PCDHGA12: variants seen among roughly 807,000 people sequenced by gnomAD.
The protein encoded by PCDHGA12 is protocadherin gamma-A12.
In PCDHGA12, 43 loss-of-function variants were observed where a neutral mutation model predicts 61.1. The ratio of observed to expected loss-of-function variants is 0.70; its 90% CI spans 0.55 to 0.91. The LOEUF (loss-of-function observed/expected upper bound fraction) is 0.91, where lower values mean the gene tolerates loss of function less well. Ranked by LOEUF, PCDHGA12 falls within the 40% of genes least tolerant of loss-of-function variation. PCDHGA12 has a pLI of 0.00. For synonymous variants in PCDHGA12, 520 were observed against 542.9 expected (o/e 0.96, Z 0.59); for missense variants, 1,236 against 1,227.7 (o/e 1.01, Z -0.10).
In PCDHGA12 at chr5:141,477,041, C is replaced by A; in HGVS notation, c.2425-17766C>A. 3 of 1,614,242 alleles carry A rather than the reference C, an allele frequency of 1.9e-6. No individual in the cohort carries two copies. Among genetic ancestry groups the A allele is most frequent in the Admixed American group, 1.7e-5 (1 of 60,036 alleles). Reference sequence around the variant, plus strand: ...AACCGGGATGCTGACAATCAAGGGTCGGCTGGACTTCGAGGACACCAAACT... The same window carrying A: ...AACCGGGATGCTGACAATCAAGGGTAGGCTGGACTTCGAGGACACCAAACT... On this transcript the variant is annotated intron_variant, in intron 1 of 3. Transcript: ENST00000252085. The surrounding 1 kb of genome is among the most constrained non-coding windows in gnomAD (Gnocchi z 4.9).
At position 141,493,262 on chromosome 5, in the gene PCDHGA12, A is replaced by G. The variant is rs148431133; in HGVS notation, c.2425-1545A>G. ...GGTACTAACATGCCTCTCTTATAAC[A>G]GCTTCACAGAGGTCAAGTGACTTGC... is the stretch of plus-strand genomic sequence containing the variant. On this transcript the variant is annotated intron_variant, in intron 1 of 3. Transcript: ENST00000252085. This position sits in a 1 kb window ranked among gnomAD's most constrained non-coding sequence, Gnocchi z 4.3. 5.1e-4 allele frequency among the ~76,000 whole-genome samples: 78 copies of G among 152,302 alleles called. No homozygotes were observed. Among genetic ancestry groups the G allele is most frequent in the African/African-American group, 1.7e-3 (72 of 41,574 alleles).
At position 141,431,896 on chromosome 5, in the gene PCDHGA12, C is replaced by A. The variant is rs1292629023; in HGVS notation, c.1137C>A (p.Asn379Lys). The A allele has an allele frequency of 6.2e-7, 1 of 1,613,940 alleles. No homozygotes were observed. The highest frequency in any genetic ancestry group is 1.3e-5 in the African/African-American group (1 of 74,924). Residue 379 changes from asparagine (N) to lysine (K), a missense_variant, in exon 1 of 4, where the codon AAC becomes AAA. Coordinates refer to ENST00000252085, the MANE Select transcript of PCDHGA12 (RefSeq NM_003735.3). This position sits in a 1 kb window ranked among gnomAD's most constrained non-coding sequence, Gnocchi z 4.8. Reference sequence around the variant, plus strand: ...TAAATGACCAAGATTCTGAGGAAAACGGACAGGTGATCTGTTTCATCCAAG... The same window carrying A: ...TAAATGACCAAGATTCTGAGGAAAAAGGACAGGTGATCTGTTTCATCCAAG... The part of the protein sequence containing the change: ...LNVNDQDSEE[N>K]GQVICFIQGN...
intron 1 of PCDHGA12, among the ~76,000 whole-genome samples, chr5:141,446,175 G>A (rs1288608276): frequency 1.3e-5 from 2 of 152,276 alleles, no homozygotes; most frequent in Non-Finnish European, 2.9e-5. Context: ...AGGGCAGGGG[G>A]TGTTTTGTTT....
chr5:141,511,002 C>T lies in PCDHGA12; in HGVS notation c.2628C>T (p.Ser876=), dbSNP rs143630962. 77 of 1,614,140 alleles carry T rather than the reference C, an allele frequency of 4.8e-5. No individual in the cohort carries two copies. Among genetic ancestry groups the T allele is most frequent in the South Asian group, 2.1e-4 (19 of 91,080 alleles). ...GGGGTGCCGGCACCATGGGATTGAG[C>T]GCCCGCTACGGACCCCAGTTCACCC... The part of the protein sequence containing the change: ...LGGGAGTMGL[S]ARYGPQFTLQ... Residue 876 remains serine (S), a synonymous_variant, in exon 4 of 4, where the codon AGC becomes AGT. Coordinates refer to ENST00000252085, the MANE Select transcript of PCDHGA12 (RefSeq NM_003735.3).
intron 1 of PCDHGA12, among the ~76,000 whole-genome samples, chr5:141,446,247 A>T (rs969960822): frequency 6.6e-6 from 1 of 152,160 alleles, no homozygotes; most frequent in African/African-American, 2.4e-5. Context: ...GTAGATCTTC[A>T]GTGAAATATT....
chr5:141,453,318 AG>A (rs1299190594), intron 1 of PCDHGA12, among the ~76,000 whole-genome samples: 2 of 151,458 alleles, frequency 1.3e-5, no homozygotes, highest in Non-Finnish European at 2.9e-5. Context: ...TTTATTTTAG[AG>A]ATGGGGTCTC....
chr5:141,460,091 A>G (rs2098981847), intron 1 of PCDHGA12, among the ~76,000 whole-genome samples: 1 of 152,002 alleles, frequency 6.6e-6, no homozygotes, highest in Non-Finnish European at 1.5e-5. Flanking sequence ...AATAATAATT[A>G]TACATGTAAT....
intron 1 of PCDHGA12, among the ~76,000 whole-genome samples, chr5:141,449,205 A>G (rs991001366): frequency 6.6e-6 from 1 of 152,164 alleles, no homozygotes; most frequent in Admixed American, 6.5e-5. Context: ...GTTAATTCTA[A>G]CTTTCTGTTT....
chr5:141,454,563 C>T (rs1056296059), intron 1 of PCDHGA12, among the ~76,000 whole-genome samples: 46 of 151,960 alleles, frequency 3.0e-4, no homozygotes, highest in Non-Finnish European at 4.9e-4. Context: ...TGTGCCACCA[C>T]GCCCGGCTAA....
chr5:141,466,039 A>G (rs926979550), intron 1 of PCDHGA12, among the ~76,000 whole-genome samples: 1 of 152,122 alleles, frequency 6.6e-6, no homozygotes, highest in Non-Finnish European at 1.5e-5. Context: ...GGAGAACGGC[A>G]TGAACCCAGG....
chr5:141,452,252 C>T (rs868364679), intron 1 of PCDHGA12, among the ~76,000 whole-genome samples: 2 of 152,106 alleles, frequency 1.3e-5, no homozygotes, highest in Non-Finnish European at 2.9e-5. Context: ...TTTGCCATAA[C>T]TCTCTCATTT....
At chr5:141,443,312 C>T (rs1296976995) in intron 1 of PCDHGA12, among the ~76,000 whole-genome samples, 2 of 115,698 alleles carry the variant, frequency 1.7e-5, no homozygotes, top group Non-Finnish European at 3.3e-5. Flanking sequence ...AAAAACCCAT[C>T]TCTACAAAAA....
At chr5:141,504,634 AG>A (rs2099839600) in intron 2 of PCDHGA12, among the ~76,000 whole-genome samples, 1 of 115,756 alleles carries the variant, frequency 8.6e-6, no homozygotes, top group Non-Finnish European at 1.7e-5. Context: ...ACCTTGGAAA[AG>A]GTTTGATGAT....
chr5:141,501,831 C>G (rs1246452764), intron 2 of PCDHGA12, among the ~76,000 whole-genome samples: 1 of 152,176 alleles, frequency 6.6e-6, no homozygotes, highest in African/African-American at 2.4e-5. Context: ...GCCCACCCAC[C>G]TGTTTGGCCC....
At chr5:141,447,988 A>C (rs1234413003) in intron 1 of PCDHGA12, among the ~76,000 whole-genome samples, 1 of 152,018 alleles carries the variant, frequency 6.6e-6, no homozygotes, top group Non-Finnish European at 1.5e-5. Flanking sequence ...CGGGAGGCTG[A>C]GGCATGAGAA....
intron 1 of PCDHGA12, among the ~76,000 whole-genome samples, chr5:141,484,184 AG>A (rs1328674334): frequency 6.6e-6 from 1 of 152,244 alleles, no homozygotes; most frequent in Non-Finnish European, 1.5e-5. Flanking sequence ...CAATCATTCA[AG>A]GAAGCTATTA....
Position 141,487,552 on chromosome 5 carries a change from A to C in PCDHGA12, c.2425-7255A>C. On this transcript the variant is annotated intron_variant, in intron 1 of 3. Coordinates refer to ENST00000252085, the MANE Select transcript of PCDHGA12 (RefSeq NM_003735.3). The surrounding 1 kb of genome is among the most constrained non-coding windows in gnomAD (Gnocchi z 5.0). ...TCATGATGGTGAAGTCACCCAGTGC[A>C]CCTATGGCAGGGGAGCCTGTTCGCC... is the stretch of plus-strand genomic sequence containing the variant. 2 of 1,614,116 alleles carry C rather than the reference A, an allele frequency of 1.2e-6. No homozygotes were observed. The highest frequency in any genetic ancestry group is 1.7e-6 in the Non-Finnish European group (2 of 1,180,024).
At position 141,477,115 on chromosome 5, in the gene PCDHGA12, A is replaced by T. The variant is rs1218111107; in HGVS notation, c.2425-17692A>T. On this transcript the variant is annotated intron_variant, in intron 1 of 3. Coordinates refer to ENST00000252085, the MANE Select transcript of PCDHGA12 (RefSeq NM_003735.3). The surrounding 1 kb of genome is among the most constrained non-coding windows in gnomAD (Gnocchi z 4.9). Reference sequence around the variant, plus strand: ...AAGACAAGGGCGCCAATCCCGAAGGAGCACATTGCAAAGTGTTGGTGGAGG... The same window carrying T: ...AAGACAAGGGCGCCAATCCCGAAGGTGCACATTGCAAAGTGTTGGTGGAGG... The T allele has an allele frequency of 6.2e-7, 1 of 1,614,230 alleles. No individual in the cohort carries two copies. Among genetic ancestry groups the T allele is most frequent in the Non-Finnish European group, 8.5e-7 (1 of 1,180,038 alleles).
intron 1 of PCDHGA12, among the ~76,000 whole-genome samples, chr5:141,470,459 AT>A: frequency 6.6e-6 from 1 of 152,096 alleles, no homozygotes; most frequent in East Asian, 1.9e-4. Flanking sequence ...CTTGAATAGG[AT>A]TTTCTGATAT....
Sources: allele counts gnomAD v4.1 joint callset (sites outside exome capture counted in the v4.1 genomes callset), GRCh38; gene constraint gnomAD v4.1.1; non-coding constraint Gnocchi (gnomAD v3.1); transcripts MANE v1.5; gene names NCBI Gene and HGNC (gene_info 2026-07-23, HGNC 2026-07-21).